Variants in TMCO5A observed in about 807,000 individuals in gnomAD.
TMCO5A encodes transmembrane and coiled-coil domains 5A, also known as transmembrane and coiled-coil domain-containing protein 5A.
TMCO5A carries 34 observed loss-of-function variants against 42.3 expected under a neutral mutation model. The observed-to-expected ratio is 0.80, with a 90% CI of 0.61 to 1.07. The LOEUF (loss-of-function observed/expected upper bound fraction) is 1.07. Among genes scored for constraint, TMCO5A ranks in the 50% least tolerant of loss-of-function variants. The pLI is 0.00. For missense variants in TMCO5A, 357 were observed against 327.9 expected, an observed-to-expected ratio of 1.09 and a Z score of -0.69; for synonymous variants, 131 against 115.6, an observed-to-expected ratio of 1.13 and a Z score of -0.86.
the TMCO5A span, among the ~76,000 whole-genome samples, chr15:37,974,086 A>C: frequency 6.6e-6 from 1 of 152,196 alleles, no homozygotes; most frequent in Non-Finnish European, 1.5e-5. Flanking sequence ...TATGTTGAAC[A>C]AACCTTGCAT....
At chr15:38,035,424 T>C in the TMCO5A span, among the ~76,000 whole-genome samples, 1 of 152,148 alleles carries the variant, frequency 6.6e-6, no homozygotes, top group Non-Finnish European at 1.5e-5. Context: ...AACCAATCTT[T>C]TCCTCCCCAC....
At chr15:37,950,576 G>A (rs552429076) in intron 11 of TMCO5A, among the ~76,000 whole-genome samples, 8 of 152,148 alleles carry the variant, frequency 5.3e-5, no homozygotes, top group African/African-American at 9.6e-5. Context: ...ACAGATGTTC[G>A]CATCATTGTT....
At chr15:38,000,484 CT>C in the TMCO5A span, among the ~76,000 whole-genome samples, 1 of 151,314 alleles carries the variant, frequency 6.6e-6, no homozygotes, top group Admixed American at 6.6e-5. Context: ...TTTCATTGAT[CT>C]TTGTGTATTT....
At chr15:38,010,284 G>C in the TMCO5A span, among the ~76,000 whole-genome samples, 2 of 149,600 alleles carry the variant, frequency 1.3e-5, no homozygotes, top group African/African-American at 4.9e-5. Context: ...GCTGAGGCAG[G>C]AGAATGGCGT....
At chr15:37,952,386 C>T (rs374921659), downstream of TMCO5A, among the ~76,000 whole-genome samples, 78 of 152,168 alleles carry the variant, frequency 5.1e-4, no homozygotes, top group African/African-American at 1.7e-3. Flanking sequence ...AGCTCAGCCA[C>T]AGGAAGATAG....
At chr15:38,028,177 A>G in the TMCO5A span, among the ~76,000 whole-genome samples, 1 of 150,856 alleles carries the variant, frequency 6.6e-6, no homozygotes, top group Non-Finnish European at 1.5e-5. Context: ...AGTAGTAAAT[A>G]GATGAAGTCA....
the TMCO5A span, among the ~76,000 whole-genome samples, chr15:37,981,359 G>A: frequency 2.6e-5 from 4 of 152,046 alleles, no homozygotes; most frequent in Non-Finnish European, 5.9e-5. Flanking sequence ...AAGATTCCTC[G>A]CCAGTGTAAA....
At chr15:38,029,238 G>A in the TMCO5A span, among the ~76,000 whole-genome samples, 2 of 152,108 alleles carry the variant, frequency 1.3e-5, no homozygotes, top group African/African-American at 4.8e-5. Flanking sequence ...CCCCAGTGCC[G>A]GTTGGGTGTC....
At chr15:37,960,736 G>A (rs1890402738) in intron 11 of TMCO5A, among the ~76,000 whole-genome samples, 1 of 152,068 alleles carries the variant, frequency 6.6e-6, no homozygotes, top group South Asian at 2.1e-4. Flanking sequence ...GCAAGAGGAA[G>A]GTGGTATCAC....
At chr15:37,981,200 C>CAAAAAAAAAAAAAAAAAAAA in the TMCO5A span, among the ~76,000 whole-genome samples, 5 of 65,322 alleles carry the variant, frequency 7.7e-5, no homozygotes, top group African/African-American at 2.8e-4. Flanking sequence ...AGAAAGCCAG[C>CAAAAAAAAAAAAAAAAAAAA]AAAAAAAAAA....
the TMCO5A span, among the ~76,000 whole-genome samples, chr15:37,976,279 G>A: frequency 6.6e-6 from 1 of 151,088 alleles, no homozygotes. Flanking sequence ...TTTCCTTCAT[G>A]TTAGTCTGGT....
chr15:37,957,674 T>C (rs1890324869), intron 11 of TMCO5A, among the ~76,000 whole-genome samples: 1 of 152,156 alleles, frequency 6.6e-6, no homozygotes, highest in Non-Finnish European at 1.5e-5. Flanking sequence ...CCCAAAGTAA[T>C]TTACAGATTC....
the TMCO5A span, among the ~76,000 whole-genome samples, chr15:38,026,558 G>C: frequency 6.6e-6 from 1 of 152,198 alleles, no homozygotes; most frequent in Non-Finnish European, 1.5e-5. Flanking sequence ...CAATGTGATA[G>C]AAAAGAAAAC....
At chr15:37,973,904 C>T in the TMCO5A span, among the ~76,000 whole-genome samples, 3 of 151,998 alleles carry the variant, frequency 2.0e-5, no homozygotes, top group African/African-American at 7.3e-5. Flanking sequence ...GGGTTTGTTA[C>T]ATATGGCTCT....
chr15:37,949,699 T>C (rs1298565421), intron 11 of TMCO5A, among the ~76,000 whole-genome samples: 1 of 149,720 alleles, frequency 6.7e-6, no homozygotes, highest in East Asian at 1.9e-4. Flanking sequence ...GTGTTAAAGA[T>C]GTAAATGCTA....
chr15:37,974,642 TTTTC>T, the TMCO5A span, among the ~76,000 whole-genome samples: 145 of 152,256 alleles, frequency 9.5e-4, no homozygotes, highest in African/African-American at 3.5e-3. Flanking sequence ...TCTTCTCTTT[TTTTC>T]TTTATTTGTC....
At chr15:38,040,816 G>A in the TMCO5A span, 1 of 152,182 alleles carries the variant, frequency 6.6e-6, no homozygotes, top group African/African-American at 2.4e-5. Context: ...GGGGAACAAT[G>A]CTAATGGGTA....
chr15:37,986,870 C>G, the TMCO5A span, among the ~76,000 whole-genome samples: 6 of 151,970 alleles, frequency 3.9e-5, no homozygotes, highest in Non-Finnish European at 8.8e-5. Context: ...CTATGAACAT[C>G]GGGGTACAGA....
At position 37,951,161 on chromosome 15, in the gene TMCO5A, G is replaced by A; in HGVS notation, c.794G>A (p.Ser265Asn). Residue 265 changes from serine (S) to asparagine (N), a missense_variant, in exon 12 of 12, where the codon AGC (serine) becomes AAC (asparagine). Physicochemically the swap from Ser to Asn is conservative, Grantham distance 46. Transcript: ENST00000319669. ...VNVLPKVLGR[S>N]TLWKLRCFFF... ...GTACTGCCCAAGGTACTGGGCAGGA[G>A]CACCTTGTGGAAGCTCAGATGCTTC... The A allele has an allele frequency of 6.2e-7, 1 of 1,613,816 alleles. No homozygotes were observed. The highest frequency in any genetic ancestry group is 8.5e-7 in the Non-Finnish European group (1 of 1,179,860).
Sources: allele counts gnomAD v4.1 joint callset (sites outside exome capture counted in the v4.1 genomes callset), GRCh38; gene constraint gnomAD v4.1.1; transcripts MANE v1.5; gene names NCBI Gene and HGNC (gene_info 2026-07-23, HGNC 2026-07-21).